BTAF1: variants seen among roughly 807,000 people sequenced by gnomAD.
The protein encoded by BTAF1 is B-TFIID TATA-box binding protein associated factor 1, also known as TATA-binding protein-associated factor 172.
A neutral mutation model predicts 227.1 loss-of-function variants in BTAF1; 38 were observed. That is an observed-to-expected ratio of 0.17 (90% CI 0.13 to 0.22). The LOEUF (loss-of-function observed/expected upper bound fraction) is 0.22. BTAF1 is among the 10% of genes least tolerant of loss of function. BTAF1 has a pLI of 1.00. For synonymous variants in BTAF1, 742 were observed against 751.9 expected (o/e 0.99, Z 0.21); for missense variants, 1,598 against 2,204.0 (o/e 0.73, Z 5.51).
Position 91,982,111 on chromosome 10 carries a change from G to T in BTAF1, c.1934G>T (p.Gly645Val), listed in dbSNP as rs1848108342. 1 of 1,613,332 alleles carries T rather than the reference G, an allele frequency of 6.2e-7. No homozygotes were observed. The highest frequency in any genetic ancestry group is 2.2e-5 in the East Asian group (1 of 44,854). Reference sequence around the variant, plus strand: ...AAAACAGGTGGTAAGGTGCGCCAAGGCCAAAGCCAGAATAAAGAAGTACTT... The same window carrying T: ...AAAACAGGTGGTAAGGTGCGCCAAGTCCAAAGCCAGAATAAAGAAGTACTT... ...KEKTGGKVRQGQSQNKEVLQE... is the reference protein window; with the variant it reads ...KEKTGGKVRQVQSQNKEVLQE... Residue 645 changes from glycine to valine, a missense_variant, in exon 17 of 38, where the codon GGC becomes GTC. Gly to Val is a moderately radical substitution (Grantham distance 109). Transcript: ENST00000265990.
intron 11 of BTAF1, among the ~76,000 whole-genome samples, chr10:91,961,360 TCTTCC>T (rs1262138180): frequency 5.9e-5 from 9 of 152,232 alleles, no homozygotes; most frequent in Non-Finnish European, 8.8e-5. Context: ...GCTTTTCTTC[TCTTCC>T]CATGCTCACT....
Position 91,951,390 on chromosome 10 carries a change from T to C in BTAF1, c.401-13T>C. ...ACTGATTTGGAGAAAACGTATTTCT[T>C]TTCTGTTGAAAGGTGAAGTGGATCC... On this transcript the variant is annotated splice_polypyrimidine_tract_variant and intron_variant, in intron 4 of 37. Coordinates refer to ENST00000265990, the MANE Select transcript of BTAF1 (RefSeq NM_003972.3). The C allele has an allele frequency of 1.2e-6, 2 of 1,601,518 alleles. No homozygotes were observed. Among genetic ancestry groups the C allele is most frequent in the Non-Finnish European group, 1.7e-6 (2 of 1,176,680 alleles).
chr10:92,021,940 G>A (rs888360339), intron 34 of BTAF1, among the ~76,000 whole-genome samples: 6 of 152,136 alleles, frequency 3.9e-5, no homozygotes, highest in African/African-American at 4.8e-5. Context: ...TTGAAAAAAC[G>A]GGTAATTTAG....
rs1848811635 is a variant in BTAF1 at position 91,991,834 on chromosome 10, C to CAG, written c.2855-284_2855-283insGA. On this transcript the variant is annotated intron_variant, in intron 20 of 37. Coordinates refer to ENST00000265990, the MANE Select transcript of BTAF1 (RefSeq NM_003972.3). ...ATATATATATATATATATATATATA[C>CAG]ACACATATATACACACACAAACACA... Among the ~76,000 whole-genome samples the CAG allele has an allele frequency of 3.5e-5, 5 of 141,232 alleles. No individual in the cohort carries two copies. In the South Asian group the frequency reaches 1.1e-3, roughly 31 times the overall value. The allele number at this position is 141,232 out of a possible 152,430, so 92.7% of individuals were successfully genotyped here.
At chr10:91,930,986 C>T (rs1357011888) in intron 1 of BTAF1, among the ~76,000 whole-genome samples, 6 of 152,090 alleles carry the variant, frequency 3.9e-5, no homozygotes, top group Admixed American at 2.0e-4. Flanking sequence ...CCTCCCCTCC[C>T]GAGATGTTTT....
At chr10:91,935,576 TG>T in intron 1 of BTAF1, 80 bp from the exon 2 acceptor site, 1 of 1,468,992 alleles carries the variant, frequency 6.8e-7, no homozygotes. Context: ...TCATAGCATC[TG>T]CTCAGTACGT....
intron 9 of BTAF1, 35 bp from the exon 10 acceptor site, chr10:91,959,736 GTGTGTATATATATA>G (rs771507464): frequency 1.0e-4 from 44 of 426,902 alleles, no homozygotes; most frequent in Admixed American, 7.4e-4. Context: ...GTGTGTGTGT[GTGTGTATATATATA>G]TATATATATA....
chr10:92,014,182 C>T lies in BTAF1; in HGVS notation c.4584+153C>T, dbSNP rs1401709212. On this transcript the variant is annotated intron_variant, in intron 32 of 37. Coordinates refer to ENST00000265990, the MANE Select transcript of BTAF1 (RefSeq NM_003972.3). ...ATGTGGATGTAAGTTTGAGTGTATG[C>T]ATTTTGAATATAGCATTAAAACAAA... 2.0e-5 allele frequency among the ~76,000 whole-genome samples: 3 copies of T among 151,952 alleles called. 1 individual carries two copies. The South Asian group carries it at 6.2e-4, about 32-fold the overall frequency.
intron 26 of BTAF1, among the ~76,000 whole-genome samples, 185 bp downstream of exon 26, chr10:92,008,460 C>T (rs1485012914): frequency 6.6e-6 from 1 of 151,806 alleles, no homozygotes; most frequent in Admixed American, 6.6e-5. Context: ...CTTCCCACCT[C>T]AGCCTCCCAA....
intron 18 of BTAF1, among the ~76,000 whole-genome samples, chr10:91,983,793 T>C (rs990340528): frequency 3.0e-4 from 45 of 152,306 alleles, no homozygotes; most frequent in Admixed American, 1.0e-3. Context: ...TTATATCCAC[T>C]TTTACAGTAT....
At chr10:91,984,144 G>A (rs1011203031) in intron 18 of BTAF1, 57 bp from the exon 19 acceptor site, 1 of 1,467,004 alleles carries the variant, frequency 6.8e-7, no homozygotes. Flanking sequence ...GACGATTTCT[G>A]TATCTATAAA....
intron 14 of BTAF1, among the ~76,000 whole-genome samples, chr10:91,972,992 C>T (rs1290052270): frequency 2.0e-5 from 3 of 152,148 alleles, no homozygotes; most frequent in Non-Finnish European, 4.4e-5. Context: ...ACTTCTGGCT[C>T]CAGGGAATTT....
At chr10:91,944,857 A>G (rs1845252326) in intron 4 of BTAF1, among the ~76,000 whole-genome samples, 1 of 152,212 alleles carries the variant, frequency 6.6e-6, no homozygotes. Context: ...CTGCATATAC[A>G]GTTGTGGTCC....
intron 35 of BTAF1, 75 bp from the exon 36 acceptor site, chr10:92,026,517 T>G (rs936200291): frequency 1.7e-6 from 2 of 1,204,694 alleles, no homozygotes; most frequent in Non-Finnish European, 2.3e-6. Flanking sequence ...TCATTTGTGC[T>G]CTTTAATTTT....
intron 21 of BTAF1, among the ~76,000 whole-genome samples, chr10:91,993,114 T>G (rs1031561710): frequency 1.3e-5 from 2 of 152,246 alleles, no homozygotes; most frequent in Non-Finnish European, 2.9e-5. Context: ...TGACAATATT[T>G]CCCTATAATA....
chr10:91,974,981 C>G (rs1847582254), intron 14 of BTAF1, among the ~76,000 whole-genome samples: 1 of 152,266 alleles, frequency 6.6e-6, no homozygotes, highest in African/African-American at 2.4e-5. Flanking sequence ...TCTATATTGT[C>G]TCTTTAGCCA....
rs368103180 is a variant in BTAF1, at chr10:91,984,150, A to G, written c.2224-51A>G. 2.6e-6 allele frequency: 4 copies of G among 1,510,476 alleles called. No homozygotes were observed. The African/African-American group carries it at 4.2e-5, about 16-fold the overall frequency. 93.6% of individuals were successfully genotyped at this position (1,510,476 alleles called of 1,614,324 possible). On this transcript the variant is annotated intron_variant, in intron 18 of 37. Transcript: ENST00000265990. ...TCTACAAATGACGATTTCTGTATCT[A>G]TAAAGTTAATGTTCATACAGTTACC...
intron 1 of BTAF1, among the ~76,000 whole-genome samples, chr10:91,934,893 T>C (rs1306416415): frequency 6.6e-6 from 1 of 152,244 alleles, no homozygotes; most frequent in African/African-American, 2.4e-5. Flanking sequence ...CCATTTATTT[T>C]ATGAAGCCTT....
chr10:91,945,964 A>G lies in BTAF1; in HGVS notation c.400+3396A>G, dbSNP rs113804302. Among the ~76,000 whole-genome samples, 503 of 152,226 alleles carry G rather than the reference A, an allele frequency of 3.3e-3. 11 individuals carry two copies. The highest frequency in any genetic ancestry group is 0.012 in the African/African-American group (493 of 41,534). On this transcript the variant is annotated intron_variant, in intron 4 of 37. Coordinates refer to ENST00000265990, the MANE Select transcript of BTAF1 (RefSeq NM_003972.3). ...AACTCTTGTTATTTTCTGTTTTTTG[A>G]TAGTTGCCATCCTAATGGATATGAT...
Sources: gnomAD v4.1 joint callset for allele counts (sites outside exome capture counted in the v4.1 genomes callset) on GRCh38, gnomAD v4.1.1 for gene constraint, MANE v1.5 for transcripts, NCBI Gene and HGNC (gene_info 2026-07-23, HGNC 2026-07-21) for gene names.